The following NCAPD2 variants were observed in gnomAD, a reference collection of about 807,000 sequenced individuals.
The protein encoded by NCAPD2 is non-SMC condensin I complex subunit D2.
In NCAPD2, 100 loss-of-function variants were observed where a neutral mutation model predicts 164.5. The ratio of observed to expected loss-of-function variants is 0.61; its 90% CI spans 0.52 to 0.72. The LOEUF (loss-of-function observed/expected upper bound fraction) is 0.72. Ranked by LOEUF, NCAPD2 falls within the 30% of genes least tolerant of loss-of-function variation. The pLI is 0.00. For synonymous variants in NCAPD2, 585 were observed against 642.6 expected (o/e 0.91, Z 1.36); for missense variants, 1,560 against 1,749.2 (o/e 0.89, Z 1.93).
At position 6,521,937 on chromosome 12, in the gene NCAPD2, G is replaced by C. The variant is rs1396860805; in HGVS notation, c.1854G>C (p.Glu618Asp). Residue 618 changes from glutamate (E) to aspartate (D), a missense_variant, in exon 15 of 32, where the codon GAG becomes GAC. Physicochemically the swap from Glu to Asp is conservative, Grantham distance 45. Transcript: ENST00000315579. Reference sequence around the variant, plus strand: ...GAAATGATGAACTAGTGAAGCAGGAGATGCTGGTACAGTATCTGCAGGATG... The same window carrying C: ...GAAATGATGAACTAGTGAAGCAGGACATGCTGGTACAGTATCTGCAGGATG... ...SRGNDELVKQEMLVQYLQDAY... is the reference protein window; with the variant it reads ...SRGNDELVKQDMLVQYLQDAY... The C allele has an allele frequency of 1.2e-6, 2 of 1,614,176 alleles. No homozygotes were observed. Among genetic ancestry groups the C allele is most frequent in the East Asian group, 4.5e-5 (2 of 44,870 alleles).
In NCAPD2 at chr12:6,529,496, A is replaced by T. The variant is rs369660606; in HGVS notation, c.3573-17A>T. ...TGGCCCTGGGCCATCGAACATCCTC[A>T]TCTCCCCTTCCTGCAGACAGCTCCT... On this transcript the variant is annotated splice_polypyrimidine_tract_variant and intron_variant, in intron 27 of 31. Transcript: ENST00000315579. 1.1e-5 allele frequency: 17 copies of T among 1,611,790 alleles called. No homozygotes were observed. In the African/African-American group the frequency reaches 2.1e-4, roughly 20 times the overall value.
chr12:6,523,608 G>A (rs1324843680), intron 17 of NCAPD2, among the ~76,000 whole-genome samples: 2 of 152,204 alleles, frequency 1.3e-5, no homozygotes, highest in South Asian at 2.1e-4. Context: ...CATGTTGGCC[G>A]AGCTGGTCTC....
rs1565539524 is a variant in NCAPD2, at chr12:6,504,190, T to TACAC, written c.128-5526_128-5525insCACA. The stretch of plus-strand genomic sequence containing the variant: ...TTTGACATATATATATACATATATA[T>TACAC]ATATATATATATATATATATATATA... On this transcript the variant is annotated intron_variant, in intron 2 of 31. Transcript: ENST00000315579. 1.0e-4 allele frequency among the ~76,000 whole-genome samples: 3 copies of TACAC among 29,144 alleles called. No homozygotes were observed. In the Admixed American group the frequency reaches 1.4e-3, roughly 13 times the overall value. The allele number at this position is 29,144 out of a possible 152,430, so 19.1% of individuals were successfully genotyped here.
chr12:6,528,322 A>G lies in NCAPD2; in HGVS notation c.3293A>G (p.Tyr1098Cys). The G allele has an allele frequency of 6.2e-7, 1 of 1,613,562 alleles. No homozygotes were observed. Among genetic ancestry groups the G allele is most frequent in the Non-Finnish European group, 8.5e-7 (1 of 1,180,006 alleles). Residue 1098 changes from tyrosine (Y) to cysteine (C), a missense_variant, in exon 25 of 32, where the codon TAT (tyrosine) becomes TGT (cysteine). Coordinates refer to ENST00000315579, the MANE Select transcript of NCAPD2 (RefSeq NM_014865.4). This position sits in a 1 kb window ranked among gnomAD's most constrained non-coding sequence, Gnocchi z 5.1. The part of the protein sequence containing the change: ...NLVDPWTPHL[Y>C]ARLRDPAQQV... Reference sequence around the variant, plus strand: ...GTGGACCCCTGGACTCCTCATCTGTATGCTCGGTAAGAGACCCCTCACAAC... The same window carrying G: ...GTGGACCCCTGGACTCCTCATCTGTGTGCTCGGTAAGAGACCCCTCACAAC...
At chr12:6,504,697 A>G (rs1946082657) in intron 2 of NCAPD2, among the ~76,000 whole-genome samples, 1 of 152,036 alleles carries the variant, frequency 6.6e-6, no homozygotes, top group African/African-American at 2.4e-5. Context: ...GAGCCTTAAT[A>G]CATATGTTTT....
At chr12:6,506,071 G>A (rs771254919) in intron 2 of NCAPD2, among the ~76,000 whole-genome samples, 2 of 151,578 alleles carry the variant, frequency 1.3e-5, no homozygotes, top group Admixed American at 6.6e-5. Flanking sequence ...CAATCCTCCC[G>A]CCTCAGCCTC....
At chr12:6,496,152 A>G (rs998691743) in intron 2 of NCAPD2, among the ~76,000 whole-genome samples, 4 of 145,436 alleles carry the variant, frequency 2.8e-5, no homozygotes, top group Non-Finnish European at 6.0e-5. Flanking sequence ...CTGCCTCCCC[A>G]GGCTCAAGCG....
In NCAPD2 at chr12:6,522,924, C is replaced by A. The variant is rs781128388; in HGVS notation, c.2051C>A (p.Ser684Tyr). 1 of 1,614,190 alleles carries A rather than the reference C, an allele frequency of 6.2e-7. No individual in the cohort carries two copies. Among genetic ancestry groups the A allele is most frequent in the Non-Finnish European group, 8.5e-7 (1 of 1,180,040 alleles). The change falls in exon 16 of 32, where the codon TCT becomes TAT. Residue 684 changes from serine (S) to tyrosine (Y), a missense_variant. Coordinates refer to ENST00000315579, the MANE Select transcript of NCAPD2 (RefSeq NM_014865.4). ...CGCCGTATGCTGCCTCTCATCTGGTCTAAGGAGCCTGGTGTCCGGGAAGCC... is the reference window on the plus strand; with the variant it reads ...CGCCGTATGCTGCCTCTCATCTGGTATAAGGAGCCTGGTGTCCGGGAAGCC... ...GVRRMLPLIW[S>Y]KEPGVREAVL...
intron 9 of NCAPD2, 115 bp downstream of exon 9, chr12:6,515,035 A>G: frequency 3.5e-6 from 4 of 1,137,442 alleles, no homozygotes; most frequent in Non-Finnish European, 5.0e-6. Flanking sequence ...TAGATTTATC[A>G]TTGTGACATT....
intron 6 of NCAPD2, among the ~76,000 whole-genome samples, chr12:6,511,489 C>T (rs1314014248): frequency 6.6e-6 from 1 of 151,982 alleles, no homozygotes; most frequent in African/African-American, 2.4e-5. Context: ...CCCGCCACCA[C>T]AAGCTGATTT....
intron 2 of NCAPD2, among the ~76,000 whole-genome samples, chr12:6,507,874 G>T (rs897993848): frequency 6.6e-6 from 1 of 152,066 alleles, no homozygotes; most frequent in African/African-American, 2.4e-5. Flanking sequence ...AGGTTGTGGG[G>T]GAGTGCTATG....
intron 13 of NCAPD2, among the ~76,000 whole-genome samples, chr12:6,518,491 C>T (rs922955320): frequency 9.9e-6 from 1 of 101,030 alleles, no homozygotes; most frequent in Non-Finnish European, 2.0e-5. Context: ...AAAGCCCTTA[C>T]AGCCGTCAAC....
intron 2 of NCAPD2, among the ~76,000 whole-genome samples, chr12:6,504,212 T>TATATATATATATATAG (rs1946075081): frequency 4.6e-5 from 1 of 21,738 alleles, no homozygotes; most frequent in African/African-American, 3.3e-4. Context: ...TATATATATA[T>TATATATATATATATAG]ATATAGATAT....
rs1946355238 is a variant in NCAPD2 at position 6,529,855 on chromosome 12, A to T, written c.3734A>T (p.Asp1245Val). 1 of 1,614,116 alleles carries T rather than the reference A, an allele frequency of 6.2e-7. No individual in the cohort carries two copies. Among genetic ancestry groups the T allele is most frequent in the Non-Finnish European group, 8.5e-7 (1 of 1,180,050 alleles). ...GAGCGAGGCCTCCGTAAGATGCTTG[A>T]CAATTTTGACTGTTTTGGAGACAAA... ...LTERGLRKMLDNFDCFGDKLS... is the reference protein window; with the variant it reads ...LTERGLRKMLVNFDCFGDKLS... Residue 1245 changes from aspartate to valine, a missense_variant, in exon 29 of 32, where the codon GAC (aspartate) becomes GTC (valine). Transcript: ENST00000315579.
chr12:6,496,401 G>C lies in NCAPD2; in HGVS notation c.127+1176G>C, dbSNP rs189369939. On this transcript the variant is annotated intron_variant, in intron 2 of 31. Coordinates refer to ENST00000315579, the MANE Select transcript of NCAPD2 (RefSeq NM_014865.4). ...CTCTAATGTCCAGAAGTGGAAAAAGGAATTTTCTTTTTGTACTTTTTATTC... is the reference window on the plus strand; with the variant it reads ...CTCTAATGTCCAGAAGTGGAAAAAGCAATTTTCTTTTTGTACTTTTTATTC... Among the ~76,000 whole-genome samples the C allele has an allele frequency of 1.7e-3, 263 of 152,184 alleles. 7 individuals are homozygous for C. The South Asian group carries it at 0.039, about 23-fold the overall frequency.
intron 2 of NCAPD2, among the ~76,000 whole-genome samples, chr12:6,505,210 G>T (rs1008331248): frequency 6.6e-6 from 1 of 152,106 alleles, no homozygotes; most frequent in Admixed American, 6.5e-5. Context: ...GGGATTACAG[G>T]CATGCACCAC....
chr12:6,510,140 A>G lies in NCAPD2; in HGVS notation c.262+7A>G, dbSNP rs1188784251. Reference sequence around the variant, plus strand: ...CTGCAATTCCTGATAAAAGGTGTTTATGGGTCAGGGGGTAGGGGATGGAAG... The same window carrying G: ...CTGCAATTCCTGATAAAAGGTGTTTGTGGGTCAGGGGGTAGGGGATGGAAG... On this transcript the variant is annotated splice_region_variant and intron_variant, in intron 4 of 31. Transcript: ENST00000315579. The G allele has an allele frequency of 5.0e-6, 8 of 1,604,462 alleles. No homozygotes were observed. In the East Asian group the frequency reaches 1.6e-4, roughly 31 times the overall value.
intron 2 of NCAPD2, among the ~76,000 whole-genome samples, chr12:6,508,938 G>A (rs1348074428): frequency 1.3e-5 from 2 of 152,028 alleles, no homozygotes; most frequent in African/African-American, 4.8e-5. Flanking sequence ...GAGGGACATT[G>A]TACAAAATAA....
At chr12:6,520,912 A>C in intron 13 of NCAPD2, 74 bp from the exon 14 acceptor site, 1 of 1,597,888 alleles carries the variant, frequency 6.3e-7, no homozygotes, top group Non-Finnish European at 8.5e-7. Flanking sequence ...ACTTGATAGA[A>C]TCATGAGGTA....
Sources: allele counts gnomAD v4.1 joint callset (sites outside exome capture counted in the v4.1 genomes callset), GRCh38; gene constraint gnomAD v4.1.1; non-coding constraint Gnocchi (gnomAD v3.1); transcripts MANE v1.5; gene names NCBI Gene and HGNC (gene_info 2026-07-23, HGNC 2026-07-21).